The following CLDN6 variants were observed in gnomAD, a reference collection of about 807,000 sequenced individuals.
The protein encoded by CLDN6 is claudin 6.
For missense variants in CLDN6, 279 were observed against 284.1 expected, an observed-to-expected ratio of 0.98 and a Z score of 0.13; for synonymous variants, 144 against 131.2, an observed-to-expected ratio of 1.10 and a Z score of -0.67.
intron 1 of CLDN6, among the ~76,000 whole-genome samples, chr16:3,017,851 C>T (rs1176074456): frequency 1.5e-4 from 23 of 150,386 alleles, no homozygotes; most frequent in Admixed American, 1.3e-3. Context: ...TCCGCTCCCC[C>T]AGGTGAGGGG....
intron 1 of CLDN6, among the ~76,000 whole-genome samples, chr16:3,016,748 C>T (rs1175769477): frequency 2.0e-5 from 3 of 148,770 alleles, no homozygotes; most frequent in East Asian, 2.0e-4. Context: ...CCCCGGTTCA[C>T]GCCATTCTCC....
chr16:3,016,046 T>C lies in CLDN6; in HGVS notation c.-21-4A>G. The C allele has an allele frequency of 6.2e-7, 1 of 1,601,110 alleles. No homozygotes were observed. Among genetic ancestry groups the C allele is most frequent in the Non-Finnish European group, 8.5e-7 (1 of 1,171,926 alleles). On this transcript the variant is annotated splice_region_variant and splice_polypyrimidine_tract_variant and intron_variant, in intron 1 of 1. Coordinates refer to ENST00000328796, the MANE Select transcript of CLDN6 (RefSeq NM_021195.5). ...TGGCGAGGTTGAAGGAGCTGCACTG[T>C]GTTTGGGACAGAAGCACAACAAGGT...
intron 1 of CLDN6, 86 bp from the exon 2 acceptor site, chr16:3,016,128 A>T (rs949942929): frequency 7.9e-7 from 1 of 1,266,966 alleles, no homozygotes; most frequent in Non-Finnish European, 1.1e-6. Flanking sequence ...AGGGGCATGC[A>T]CCCTGGAAAG....
At chr16:3,017,647 C>T (rs1194470273) in intron 1 of CLDN6, among the ~76,000 whole-genome samples, 2 of 152,064 alleles carry the variant, frequency 1.3e-5, no homozygotes, top group Admixed American at 6.5e-5. Flanking sequence ...GCCCTTAGGC[C>T]TCTGGCCGAG....
At chr16:3,016,814 A>T (rs995905136) in intron 1 of CLDN6, among the ~76,000 whole-genome samples, 5 of 150,856 alleles carry the variant, frequency 3.3e-5, no homozygotes, top group Non-Finnish European at 7.4e-5. Flanking sequence ...CGCCCGGCTA[A>T]TTTTTTTGTA....
intron 1 of CLDN6, among the ~76,000 whole-genome samples, chr16:3,016,403 G>A (rs534482280): frequency 6.6e-6 from 1 of 152,292 alleles, no homozygotes; most frequent in Non-Finnish European, 1.5e-5. Context: ...ATGACAGGAC[G>A]GTGCGATTTC....
Sources: gnomAD v4.1 joint callset for allele counts (sites outside exome capture counted in the v4.1 genomes callset) on GRCh38, gnomAD v4.1.1 for gene constraint, MANE v1.5 for transcripts, NCBI Gene and HGNC (gene_info 2026-07-23, HGNC 2026-07-21) for gene names.